The following NEIL2 variants were observed in gnomAD, a reference collection of about 807,000 sequenced individuals.
NEIL2 encodes the protein endonuclease 8-like 2.
A neutral mutation model predicts 22.2 loss-of-function variants in NEIL2; 23 were observed. The observed-to-expected ratio is 1.04, with a 90% CI of 0.75 to 1.47. The LOEUF (loss-of-function observed/expected upper bound fraction) is 1.47, where lower values mean the gene tolerates loss of function less well. Among genes scored for constraint, NEIL2 ranks in the 40% most tolerant of loss-of-function variants. The pLI is 0.00. For missense variants in NEIL2, 583 were observed against 404.7 expected (o/e 1.44, Z -3.78); for synonymous variants, 229 against 164.8 (o/e 1.39, Z -2.99).
rs1055611641 is a variant in NEIL2 at position 11,786,657 on chromosome 8, TGA to T, written c.*392_*393del. ...TTTTTTTTTTTTTGGTTGTTTGTTT[TGA>T]GAGAGAGTCTTGCTCTGTCTCCCTG... On this transcript the variant is annotated 3_prime_UTR_variant, in exon 5 of 5. Transcript: ENST00000284503. The T allele has an allele frequency of 2.7e-5, 8 of 294,860 alleles. No individual in the cohort carries two copies. The highest frequency in any genetic ancestry group is 4.6e-5 in the Non-Finnish European group (7 of 153,358). 18.3% of individuals were successfully genotyped at this position (294,860 alleles called of 1,614,324 possible). A position where few individuals can be genotyped will look rare whatever the true frequency, so the allele number is the denominator to read the frequency against.
chr8:11,780,618 AGCGATC>A (rs1804326537), intron 3 of NEIL2, among the ~76,000 whole-genome samples: 1 of 152,198 alleles, frequency 6.6e-6, no homozygotes, highest in African/African-American at 2.4e-5. Flanking sequence ...CCTGGCCTCA[AGCGATC>A]GCCTACCTCC....
intron 2 of NEIL2, among the ~76,000 whole-genome samples, chr8:11,777,307 T>C (rs1272450178): frequency 3.3e-5 from 5 of 152,146 alleles, no homozygotes; most frequent in Admixed American, 3.3e-4. Context: ...CACACTTTTC[T>C]CTGTGCTCTT....
intron 2 of NEIL2, among the ~76,000 whole-genome samples, chr8:11,778,418 G>A (rs4840582): frequency 0.061 from 9,259 of 151,924 alleles, 370 homozygotes; most frequent in Middle Eastern, 0.1. Flanking sequence ...TCTTTTGGGT[G>A]GAGGACTTCA....
intron 2 of NEIL2, among the ~76,000 whole-genome samples, chr8:11,775,225 G>A (rs1038700161): frequency 6.6e-6 from 1 of 152,236 alleles, no homozygotes; most frequent in Non-Finnish European, 1.5e-5. Context: ...AGAAATCTAG[G>A]TGGAGGTTTC....
At chr8:11,780,670 C>A (rs1159697593) in intron 3 of NEIL2, among the ~76,000 whole-genome samples, 1 of 152,218 alleles carries the variant, frequency 6.6e-6, no homozygotes, top group Non-Finnish European at 1.5e-5. Flanking sequence ...GCGTGAGCCA[C>A]CATGCTTGGC....
chr8:11,787,150 G>C lies in NEIL2; in HGVS notation c.*877G>C, dbSNP rs1805041302. On this transcript the variant is annotated 3_prime_UTR_variant, in exon 5 of 5. Transcript: ENST00000284503. ...CACCAAGAGGCGGTCGTGGAGCAGG[G>C]AGCTGCGCCTTCCTGGGGTGCCCGG... is the stretch of plus-strand genomic sequence containing the variant. 1 of 152,866 alleles carries C rather than the reference G, an allele frequency of 6.5e-6. No homozygotes were observed. Among genetic ancestry groups the C allele is most frequent in the Non-Finnish European group, 1.5e-5 (1 of 68,240 alleles). The allele number at this position is 152,866 out of a possible 1,614,324, so 9.5% of individuals were successfully genotyped here.
At chr8:11,777,148 C>T (rs1276798036) in intron 2 of NEIL2, among the ~76,000 whole-genome samples, 1 of 149,256 alleles carries the variant, frequency 6.7e-6, no homozygotes, top group Non-Finnish European at 1.5e-5. Context: ...TGCTTCTACC[C>T]ACACTTTTCT....
chr8:11,786,103 CA>C lies in NEIL2; in HGVS notation c.831del (p.Gly278AlafsTer21). 6.2e-7 allele frequency: 1 copy of C among 1,614,132 alleles called. No individual in the cohort carries two copies. The highest frequency in any genetic ancestry group is 1.7e-4 in the Middle Eastern group (1 of 6,046). The stretch of plus-strand genomic sequence containing the variant: ...TACAGCCTGGCTGCAGGGCAAGTTC[CA>C]AGGCAGACCGCAGCACACACAGGTC... ...FSTAWLQGKF[Q>X]GRPQHTQVYQ... On this transcript the variant is annotated frameshift_variant, in exon 5 of 5. Transcript: ENST00000284503. LOFTEE classifies it low-confidence loss of function (END_TRUNC).
At chr8:11,774,317 G>C (rs1170672718) in intron 2 of NEIL2, among the ~76,000 whole-genome samples, 1 of 152,168 alleles carries the variant, frequency 6.6e-6, no homozygotes, top group Non-Finnish European at 1.5e-5. Flanking sequence ...AGAGGTTGCA[G>C]TGAGCTGAGA....
intron 3 of NEIL2, among the ~76,000 whole-genome samples, chr8:11,781,912 A>C (rs1563262237): frequency 6.6e-6 from 1 of 151,934 alleles, no homozygotes; most frequent in Non-Finnish European, 1.5e-5. Flanking sequence ...AAATAAAATA[A>C]AATTAACCGG....
rs149163749 is a variant in NEIL2, at chr8:11,779,702, A to C, written c.243A>C (p.Glu81Asp). 1.7e-4 allele frequency: 279 copies of C among 1,614,160 alleles called. No homozygotes were observed. The highest frequency in any genetic ancestry group is 3.3e-4 in the Admixed American group (20 of 60,024). ...PEPPQKEVQK[E>D]GAADPKQVGE... ...CTCCACAAAAAGAAGTGCAGAAGGA[A>C]GGGGCTGCGGACCCAAAGCAGGTCG... is the stretch of plus-strand genomic sequence containing the variant. Residue 81 changes from glutamate (E) to aspartate (D), a missense_variant, in exon 3 of 5, where the codon GAA becomes GAC. Physicochemically the swap from Glu to Asp is conservative, Grantham distance 45 (BLOSUM62 2). Transcript: ENST00000284503.
Position 11,786,283 on chromosome 8 carries a change from G to A in NEIL2, c.*10G>A, listed in dbSNP as rs1207847728. 6 of 1,607,030 alleles carry A rather than the reference G, an allele frequency of 3.7e-6. No homozygotes were observed. Among genetic ancestry groups the A allele is most frequent in the Non-Finnish European group, 5.1e-6 (6 of 1,178,286 alleles). On this transcript the variant is annotated 3_prime_UTR_variant, in exon 5 of 5. Coordinates refer to ENST00000284503, the MANE Select transcript of NEIL2 (RefSeq NM_145043.4). ...GTGCCAGTTCTCCTAAGGAGCTGGT[G>A]GTGCTCCTCACGGAACCTTGCCGCT... is the stretch of plus-strand genomic sequence containing the variant.
At chr8:11,781,750 G>A (rs921988123) in intron 3 of NEIL2, among the ~76,000 whole-genome samples, 1 of 151,846 alleles carries the variant, frequency 6.6e-6, no homozygotes, top group Non-Finnish European at 1.5e-5. Context: ...TACTTTGTTG[G>A]TCTTTGAAAT....
intron 4 of NEIL2, among the ~76,000 whole-genome samples, chr8:11,784,578 C>T (rs8191653): frequency 2.0e-5 from 3 of 152,196 alleles, no homozygotes; most frequent in Non-Finnish European, 4.4e-5. Context: ...CACCCACTCA[C>T]TCCAAACACA....
At chr8:11,778,528 C>G (rs781114911) in intron 2 of NEIL2, among the ~76,000 whole-genome samples, 2 of 152,062 alleles carry the variant, frequency 1.3e-5, no homozygotes, top group African/African-American at 4.8e-5. Flanking sequence ...CAGGCATTTC[C>G]AGTATTAATG....
intron 3 of NEIL2, among the ~76,000 whole-genome samples, chr8:11,782,323 G>T (rs969352351): frequency 2.0e-5 from 3 of 152,136 alleles, no homozygotes; most frequent in African/African-American, 7.2e-5. Context: ...TACTCGGGAG[G>T]CTGAGGCAGG....
chr8:11,780,747 G>A (rs575380616), intron 3 of NEIL2, among the ~76,000 whole-genome samples: 1 of 152,282 alleles, frequency 6.6e-6, no homozygotes, highest in African/African-American at 2.4e-5. Flanking sequence ...CTAGGTTTAG[G>A]ATATGTCCTC....
At position 11,778,663 on chromosome 8, in the gene NEIL2, A is replaced by C. The variant is rs549805450; in HGVS notation, c.139-935A>C. 3.3e-5 allele frequency among the ~76,000 whole-genome samples: 5 copies of C among 152,268 alleles called. No individual in the cohort carries two copies. The South Asian group carries it at 1.0e-3, about 32-fold the overall frequency. The stretch of plus-strand genomic sequence containing the variant: ...AGGTGCAATATGAAAATAAAGTCAA[A>C]GCAAGGGCCCAGGCATGGTGGCTCA... On this transcript the variant is annotated intron_variant, in intron 2 of 4. Transcript: ENST00000284503.
rs1189077523 is a variant in NEIL2, at chr8:11,786,430, CAG to C, written c.*160_*161del. On this transcript the variant is annotated 3_prime_UTR_variant, in exon 5 of 5. Coordinates refer to ENST00000284503, the MANE Select transcript of NEIL2 (RefSeq NM_145043.4). ...CGTCTCCCTGGAGTTATGTTGAAGGCAGAGTTTTCATAGGGTTAGATTTTTTT... is the reference window on the plus strand; with the variant it reads ...CGTCTCCCTGGAGTTATGTTGAAGGCAGTTTTCATAGGGTTAGATTTTTTT... 9.6e-6 allele frequency: 7 copies of C among 726,026 alleles called. No individual in the cohort carries two copies. The highest frequency in any genetic ancestry group is 3.8e-4 in the Middle Eastern group (1 of 2,638). 45.0% of individuals were successfully genotyped at this position (726,026 alleles called of 1,614,324 possible). A position where few individuals can be genotyped will look rare whatever the true frequency, so the allele number is the denominator to read the frequency against.
Sources: allele counts gnomAD v4.1 joint callset (sites outside exome capture counted in the v4.1 genomes callset), GRCh38; gene constraint gnomAD v4.1.1; transcripts MANE v1.5; gene names NCBI Gene and HGNC (gene_info 2026-07-23, HGNC 2026-07-21).